The following ZNF727 variants were observed in gnomAD, a reference collection of about 807,000 sequenced individuals.
ZNF727 encodes zinc finger protein 727.
A neutral mutation model predicts 11.5 loss-of-function variants in ZNF727; 11 were observed. The ratio of observed to expected loss-of-function variants is 0.95; its 90% CI spans 0.60 to 1.58. The LOEUF (loss-of-function observed/expected upper bound fraction) is 1.58. Among genes scored for constraint, ZNF727 ranks in the 40% most tolerant of loss-of-function variants. ZNF727 has a pLI of 0.00. For synonymous variants in ZNF727, 171 were observed against 196.1 expected (o/e 0.87, Z 1.07); for missense variants, 533 against 581.7 (o/e 0.92, Z 0.86).
rs1453061245 is a variant in ZNF727 at position 64,045,633 on chromosome 7, G to A, written c.3+9G>A. ...CCGGAGGCTGGGAAATGGTGAGTGC[G>A]CGGAGTGGGTGTCCCGAGAAGGGGG... On this transcript the variant is annotated intron_variant, in intron 1 of 3. Transcript: ENST00000456806. 3.8e-6 allele frequency: 6 copies of A among 1,559,218 alleles called. No individual in the cohort carries two copies. The highest frequency in any genetic ancestry group is 5.2e-6 in the Non-Finnish European group (6 of 1,151,280).
intron 3 of ZNF727, among the ~76,000 whole-genome samples, chr7:64,073,998 C>G (rs987026929): frequency 2.0e-5 from 3 of 152,122 alleles, no homozygotes; most frequent in Non-Finnish European, 4.4e-5. Flanking sequence ...TTCTAGATCT[C>G]TCCTGAGGGT....
At position 64,077,573 on chromosome 7, in the gene ZNF727, G is replaced by A. The variant is rs1264328078; in HGVS notation, c.524G>A (p.Cys175Tyr). The change falls in exon 4 of 4, where the codon TGT becomes TAT. Residue 175 changes from cysteine to tyrosine, a missense_variant. By Grantham distance (194) the Cys-to-Tyr change is radical. Transcript: ENST00000456806. ...TTTAGCAGAGAGAAATGCTACAAAT[G>A]TGAAGAATGTGGCAAAGACTGTAGG... ...KIFSREKCYK[C>Y]EECGKDCRLS... 6 of 1,551,484 alleles carry A rather than the reference G, an allele frequency of 3.9e-6. 1 individual carries two copies. In the East Asian group the frequency reaches 7.3e-5, roughly 19 times the overall value.
At chr7:64,047,268 T>C (rs1789522858) in intron 1 of ZNF727, among the ~76,000 whole-genome samples, 1 of 152,214 alleles carries the variant, frequency 6.6e-6, no homozygotes, top group African/African-American at 2.4e-5. Context: ...CCTGTCCAGA[T>C]CACATTATCA....
chr7:64,061,237 A>T (rs1340953480), intron 1 of ZNF727, among the ~76,000 whole-genome samples: 1 of 152,074 alleles, frequency 6.6e-6, no homozygotes, highest in Non-Finnish European at 1.5e-5. Context: ...TGATTTTACT[A>T]TCTGGATTAT....
intron 1 of ZNF727, among the ~76,000 whole-genome samples, chr7:64,056,371 T>C (rs1201809317): frequency 1.3e-5 from 2 of 152,180 alleles, no homozygotes; most frequent in Non-Finnish European, 2.9e-5. Context: ...GGAGTGAAGA[T>C]ATAGACATTT....
At position 64,084,115 on chromosome 7, in the gene ZNF727, A is replaced by G. The variant is rs1246482545; in HGVS notation, c.*5566A>G. Among the ~76,000 whole-genome samples the G allele has an allele frequency of 1.3e-5, 2 of 152,192 alleles. No homozygotes were observed. The highest frequency in any genetic ancestry group is 2.9e-5 in the Non-Finnish European group (2 of 68,036). ...CCTATGGAAGATTAAGAGAAATGAA[A>G]TCTAAGATACATGAAGAAATTCTAA... On this transcript the variant is annotated 3_prime_UTR_variant, in exon 4 of 4. Coordinates refer to ENST00000456806, the MANE Select transcript of ZNF727 (RefSeq NM_001159522.3).
At chr7:64,061,778 A>G (rs1347952220) in intron 1 of ZNF727, among the ~76,000 whole-genome samples, 1 of 150,022 alleles carries the variant, frequency 6.7e-6, no homozygotes, top group Non-Finnish European at 1.5e-5. Context: ...TCTCTCTCCC[A>G]TTTATCCTGT....
At chr7:64,073,063 A>C in intron 3 of ZNF727, among the ~76,000 whole-genome samples, 1 of 152,052 alleles carries the variant, frequency 6.6e-6, no homozygotes, top group East Asian at 1.9e-4. Flanking sequence ...CATATTAGAA[A>C]GTCTTTATTT....
chr7:64,077,624 G>C lies in ZNF727; in HGVS notation c.575G>C (p.Arg192Thr). The change falls in exon 4 of 4, where the codon AGA (arginine) becomes ACA (threonine). Residue 192 changes from arginine (R) to threonine (T), a missense_variant. By Grantham distance (71) the Arg-to-Thr change is moderately conservative. This residue lies in a region of ZNF727 where 463 missense variants were observed against 494.5 expected (regional missense o/e 0.94). Coordinates refer to ENST00000456806, the MANE Select transcript of ZNF727 (RefSeq NM_001159522.3). Reference protein sequence around the residue: ...CRLSDFTIQKRIHTADRSYKC... With the variant: ...CRLSDFTIQKTIHTADRSYKC... ...TTGTCAGATTTTACCATACAGAAGA[G>C]AATTCATACTGCAGATAGAAGTTAC... 6.4e-7 allele frequency: 1 copy of C among 1,552,000 alleles called. No individual in the cohort carries two copies. The highest frequency in any genetic ancestry group is 8.7e-7 in the Non-Finnish European group (1 of 1,147,244).
intron 1 of ZNF727, among the ~76,000 whole-genome samples, chr7:64,046,901 C>G (rs1181171156): frequency 6.6e-6 from 1 of 152,028 alleles, no homozygotes; most frequent in Non-Finnish European, 1.5e-5. Flanking sequence ...TGCATTTGCA[C>G]CCATCCGGTG....
chr7:64,062,685 A>AGTATATATATATATATATATATAT (rs1789790050), intron 1 of ZNF727, among the ~76,000 whole-genome samples: 1 of 89,980 alleles, frequency 1.1e-5, no homozygotes, highest in African/African-American at 3.6e-5. Flanking sequence ...CTTGTACTTG[A>AGTATATATATATATATATATATAT]ATATATATAT....
At chr7:64,065,128 C>T (rs1293864139) in intron 1 of ZNF727, among the ~76,000 whole-genome samples, 3 of 152,082 alleles carry the variant, frequency 2.0e-5, no homozygotes, top group African/African-American at 7.2e-5. Flanking sequence ...TGCTCCACTT[C>T]CCCCCTGCAG....
At chr7:64,062,685 AATATAT>A (rs71057374) in intron 1 of ZNF727, among the ~76,000 whole-genome samples, 4 of 89,980 alleles carry the variant, frequency 4.4e-5, no homozygotes, top group Non-Finnish European at 9.8e-5. Context: ...CTTGTACTTG[AATATAT>A]ATATATATAT....
rs1182978919 is a variant in ZNF727, at chr7:64,079,599, T to C, written c.*1050T>C. On this transcript the variant is annotated 3_prime_UTR_variant, in exon 4 of 4. Transcript: ENST00000456806. ...TGGGTATCTCAATTACAGCATACCATTAGATCTTGGTTCTTTATTTGCCAC... is the reference window on the plus strand; with the variant it reads ...TGGGTATCTCAATTACAGCATACCACTAGATCTTGGTTCTTTATTTGCCAC... Among the ~76,000 whole-genome samples the C allele has an allele frequency of 1.3e-5, 2 of 152,218 alleles. No individual in the cohort carries two copies. The highest frequency in any genetic ancestry group is 2.9e-5 in the Non-Finnish European group (2 of 68,032).
intron 1 of ZNF727, among the ~76,000 whole-genome samples, chr7:64,048,327 TG>T (rs1193392652): frequency 7.2e-5 from 11 of 152,336 alleles, no homozygotes; most frequent in African/African-American, 2.6e-4. Context: ...AGGTCTGTTC[TG>T]TTTTAGCATG....
At chr7:64,046,330 C>T (rs1431570016) in intron 1 of ZNF727, among the ~76,000 whole-genome samples, 2 of 152,176 alleles carry the variant, frequency 1.3e-5, no homozygotes, top group African/African-American at 2.4e-5. Context: ...CTGTCGTAGC[C>T]TAAATTGAGG....
intron 3 of ZNF727, among the ~76,000 whole-genome samples, chr7:64,075,823 T>C (rs7778793): frequency 0.71 from 108,573 of 152,010 alleles, 38,929 homozygotes; most frequent in Admixed American, 0.75. Context: ...CCCAAAACTT[T>C]GCAGTACATA....
At chr7:64,067,421 T>A (rs1332887211) in intron 1 of ZNF727, among the ~76,000 whole-genome samples, 1 of 152,108 alleles carries the variant, frequency 6.6e-6, no homozygotes, top group African/African-American at 2.4e-5. Flanking sequence ...TATTCTACTA[T>A]AAAGGCACAT....
chr7:64,078,657 A>C lies in ZNF727; in HGVS notation c.*108A>C, dbSNP rs1785733748. 7.4e-7 allele frequency: 1 copy of C among 1,352,550 alleles called. No individual in the cohort carries two copies. Among genetic ancestry groups the C allele is most frequent in the Non-Finnish European group, 1.1e-6 (1 of 950,390 alleles). The allele number at this position is 1,352,550 out of a possible 1,614,324, so 83.8% of individuals were successfully genotyped here. On this transcript the variant is annotated 3_prime_UTR_variant, in exon 4 of 4. Transcript: ENST00000456806. ...AATTCATACTGGAGAGAAACCCTAC[A>C]TTTGTGAAGAATGTGGCAAAGCCTT... is the stretch of plus-strand genomic sequence containing the variant.
Sources: gnomAD v4.1 joint callset for allele counts (sites outside exome capture counted in the v4.1 genomes callset) on GRCh38, gnomAD v4.1.1 for gene constraint, gnomAD v4.1.1 regional missense constraint, MANE v1.5 for transcripts, NCBI Gene and HGNC (gene_info 2026-07-23, HGNC 2026-07-21) for gene names.